Variants in KIAA1217 observed in about 807,000 individuals in gnomAD.
KIAA1217 encodes sickle tail protein homolog.
A neutral mutation model predicts 163.9 loss-of-function variants in KIAA1217; 88 were observed. The observed-to-expected ratio is 0.54, with a 90% confidence interval of 0.45 to 0.64. The LOEUF is 0.64. Ranked by LOEUF, KIAA1217 falls within the 30% of genes least tolerant of loss-of-function variation. The pLI, the probability that KIAA1217 is intolerant of heterozygous loss-of-function variation, is 0.00. For synonymous variants in KIAA1217, 903 were observed against 923.1 expected, an observed-to-expected ratio of 0.98 and a Z score of 0.39; for missense variants, 2,372 against 2,475.0, an observed-to-expected ratio of 0.96 and a Z score of 0.88.
Position 24,543,423 on chromosome 10 carries a change from T to TTCA in KIAA1217, c.4155_4157dup (p.Phe1385_Met1386insIle), listed in dbSNP as rs2075341250. On this transcript the variant is annotated inframe_insertion, in exon 19 of 21. Coordinates refer to ENST00000376454, the MANE Select transcript of KIAA1217 (RefSeq NM_019590.5). The stretch of plus-strand genomic sequence containing the variant: ...AAATGCAGCCACTGACAATATTGCC[T>TTCA]TCATGATTACCGAAACCACTGTCCA... The TTCA allele has an allele frequency of 6.2e-7, 1 of 1,614,132 alleles. No individual in the cohort carries two copies. The highest frequency in any genetic ancestry group is 1.6e-4 in the Middle Eastern group (1 of 6,062).
intron 1 of KIAA1217, among the ~76,000 whole-genome samples, chr10:23,937,967 T>G (rs1355794011): frequency 6.6e-6 from 1 of 151,982 alleles, no homozygotes; most frequent in African/African-American, 2.4e-5. Flanking sequence ...GCTAAGAAGA[T>G]GAAGTTGAGA....
intron 2 of KIAA1217, among the ~76,000 whole-genome samples, chr10:24,263,871 T>C (rs1417313256): frequency 6.6e-6 from 1 of 152,174 alleles, no homozygotes; most frequent in Non-Finnish European, 1.5e-5. Flanking sequence ...TTTTATTTTT[T>C]TTTGAGACAG....
intron 6 of KIAA1217, among the ~76,000 whole-genome samples, chr10:24,478,232 G>T (rs2064254423): frequency 6.6e-6 from 1 of 152,188 alleles, no homozygotes; most frequent in Non-Finnish European, 1.5e-5. Flanking sequence ...ATACTTTGAA[G>T]ACATCCAGTG....
intron 1 of KIAA1217, among the ~76,000 whole-genome samples, chr10:23,702,260 G>A (rs1836509231): frequency 1.3e-5 from 2 of 152,164 alleles, no homozygotes; most frequent in South Asian, 2.1e-4. Flanking sequence ...CTTGGGGTGG[G>A]TGGGAGGAAT....
intron 2 of KIAA1217, among the ~76,000 whole-genome samples, chr10:24,344,674 A>G (rs1363983634): frequency 6.6e-6 from 1 of 152,172 alleles, no homozygotes; most frequent in Non-Finnish European, 1.5e-5. Flanking sequence ...TTTTAAACAG[A>G]TCTGTGCTTA....
At chr10:24,026,742 A>ATTTTTTTTTTTTTTTTTTTTCTTTTT (rs1847957584) in intron 2 of KIAA1217, among the ~76,000 whole-genome samples, 1 of 70,094 alleles carries the variant, frequency 1.4e-5, no homozygotes, top group African/African-American at 5.9e-5. Context: ...TATTTCATTG[A>ATTTTTTTTTTTTTTTTTTTTCTTTTT]TTTTTTTTTT....
intron 1 of KIAA1217, among the ~76,000 whole-genome samples, chr10:23,885,130 T>C (rs771484973): frequency 4.6e-5 from 7 of 152,000 alleles, no homozygotes; most frequent in Admixed American, 2.0e-4. Context: ...CAGTGTACTA[T>C]TAAAAATTCA....
intron 2 of KIAA1217, among the ~76,000 whole-genome samples, chr10:24,229,263 G>A (rs2071031404): frequency 6.6e-6 from 1 of 152,200 alleles, no homozygotes; most frequent in Non-Finnish European, 1.5e-5. Context: ...TGAAGGTCTG[G>A]ATACAAGGCT....
At chr10:24,003,427 T>C (rs1034481514) in intron 1 of KIAA1217, among the ~76,000 whole-genome samples, 1 of 152,236 alleles carries the variant, frequency 6.6e-6, no homozygotes, top group Non-Finnish European at 1.5e-5. Context: ...GTTGAGCTTT[T>C]TTTTATGTTT....
At chr10:23,856,530 T>A (rs1300187153) in intron 1 of KIAA1217, among the ~76,000 whole-genome samples, 2 of 152,238 alleles carry the variant, frequency 1.3e-5, no homozygotes, top group Non-Finnish European at 2.9e-5. Context: ...GGAGAACCAC[T>A]GCTCTCTTCA....
intron 2 of KIAA1217, among the ~76,000 whole-genome samples, chr10:24,133,919 G>C (rs2063745313): frequency 2.0e-5 from 3 of 152,198 alleles, no homozygotes. Flanking sequence ...TTCATCAGAG[G>C]CAGGAGAAAG....
intron 1 of KIAA1217, among the ~76,000 whole-genome samples, chr10:23,728,050 A>T (rs1838268559): frequency 6.6e-6 from 1 of 152,186 alleles, no homozygotes; most frequent in South Asian, 2.1e-4. Context: ...TCTATCATTG[A>T]TGGGCATTTG....
intron 2 of KIAA1217, among the ~76,000 whole-genome samples, chr10:24,016,657 C>T (rs1847491885): frequency 1.3e-5 from 2 of 152,012 alleles, no homozygotes; most frequent in Admixed American, 1.3e-4. Flanking sequence ...GATGTGTGTT[C>T]TGGAGTCAGA....
chr10:24,395,584 A>G (rs2055615485), intron 3 of KIAA1217, among the ~76,000 whole-genome samples: 1 of 152,200 alleles, frequency 6.6e-6, no homozygotes, highest in African/African-American at 2.4e-5. Flanking sequence ...AAGATGCTCT[A>G]TGCTTTGATT....
chr10:24,140,224 G>A (rs2064001817), intron 2 of KIAA1217, among the ~76,000 whole-genome samples: 3 of 151,982 alleles, frequency 2.0e-5, no homozygotes, highest in African/African-American at 7.3e-5. Flanking sequence ...GCTGGGCAAG[G>A]TGGCAGGCGC....
intron 2 of KIAA1217, among the ~76,000 whole-genome samples, chr10:24,108,181 G>C (rs2062704724): frequency 6.6e-6 from 1 of 152,138 alleles, no homozygotes; most frequent in African/African-American, 2.4e-5. Context: ...TGTAACCATA[G>C]GAATTGTTTA....
chr10:24,520,688 A>ACACACACACACACACACACAC (rs370017339), intron 11 of KIAA1217, among the ~76,000 whole-genome samples: 1 of 117,422 alleles, frequency 8.5e-6, no homozygotes, highest in African/African-American at 3.5e-5. Flanking sequence ...ACACACACAC[A>ACACACACACACACACACACAC]AAAAAAAATT....
chr10:24,465,775 A>G (rs2062878493), intron 5 of KIAA1217, among the ~76,000 whole-genome samples: 7 of 152,072 alleles, frequency 4.6e-5, no homozygotes, highest in Admixed American at 4.6e-4. Flanking sequence ...GTTCCCCTGG[A>G]AGATACCAGC....
chr10:24,314,874 G>A (rs1369349038), intron 2 of KIAA1217, among the ~76,000 whole-genome samples: 2 of 152,262 alleles, frequency 1.3e-5, no homozygotes, highest in East Asian at 1.9e-4. Flanking sequence ...AACCCAGGAG[G>A]CAGAGCTTGC....
Sources: allele counts gnomAD v4.1 joint callset (sites outside exome capture counted in the v4.1 genomes callset), GRCh38; gene constraint gnomAD v4.1.1; transcripts MANE v1.5; gene names NCBI Gene and HGNC (gene_info 2026-07-23, HGNC 2026-07-21).